The following TNRC6C variants were observed in gnomAD, a reference collection of about 807,000 sequenced individuals.
The protein encoded by TNRC6C is trinucleotide repeat-containing gene 6C protein.
TNRC6C carries 20 observed loss-of-function variants against 153.7 expected under a neutral mutation model. That is an observed-to-expected ratio of 0.13 (90% CI 0.09 to 0.19). The LOEUF (loss-of-function observed/expected upper bound fraction) is 0.19, where lower values mean the gene tolerates loss of function less well. Among genes scored for constraint, TNRC6C ranks in the 10% least tolerant of loss-of-function variants. The probability of loss-of-function intolerance (pLI) is 1.00; values close to 1 mark genes in which losing one functional copy is unlikely to be tolerated. For synonymous variants in TNRC6C, 811 were observed against 841.4 expected (o/e 0.96, Z 0.63); for missense variants, 1,987 against 2,172.0 (o/e 0.91, Z 1.69).
intron 1 of TNRC6C, among the ~76,000 whole-genome samples, chr17:78,009,872 C>T (rs901986118): frequency 3.4e-5 from 5 of 148,616 alleles, no homozygotes; most frequent in Non-Finnish European, 7.4e-5. Context: ...ATTTTTAAGT[C>T]ATATACATCT....
chr17:78,095,811 A>G (rs187295602), intron 16 of TNRC6C, among the ~76,000 whole-genome samples: 16 of 152,372 alleles, frequency 1.1e-4, no homozygotes, highest in South Asian at 2.1e-4. Context: ...TGGGTGGCCA[A>G]CGTGGGAGAA....
At chr17:78,050,466 T>C in exon 3 of TNRC6C, 1 of 1,613,972 alleles carries the variant, frequency 6.2e-7, no homozygotes, top group Non-Finnish European at 8.5e-7. Flanking sequence ...CCCCTAGGTC[T>C]GAAAGGAAAA....
At chr17:77,957,977 G>A (rs1485294629), upstream of TNRC6C, among the ~76,000 whole-genome samples, 3 of 152,186 alleles carry the variant, frequency 2.0e-5, no homozygotes, top group Non-Finnish European at 4.4e-5. Context: ...GGACTGTTTC[G>A]CAGCGAGGCT....
chr17:78,005,081 T>G lies in TNRC6C; in HGVS notation c.-546+2T>G. On this transcript the variant is annotated splice_donor_variant, in intron 1 of 19. Transcript: ENST00000301624. LOFTEE classifies it low-confidence loss of function (5UTR_SPLICE). ...AGGCTGCTGATCAAAAAACCAAAGG[T>G]AAGTTTATTTATATTTAGGGGGGTA... 8.1e-7 allele frequency: 1 copy of G among 1,229,256 alleles called. No homozygotes were observed. Among genetic ancestry groups the G allele is most frequent in the Non-Finnish European group, 1.0e-6 (1 of 986,314 alleles). 76.1% of individuals were successfully genotyped at this position (1,229,256 alleles called of 1,614,324 possible).
intron 5 of TNRC6C, among the ~76,000 whole-genome samples, chr17:78,069,993 A>C (rs1247005483): frequency 6.6e-6 from 1 of 152,180 alleles, no homozygotes; most frequent in Non-Finnish European, 1.5e-5. Context: ...ATGAGATGAA[A>C]ACTTTCTTTA....
chr17:78,049,255 T>C lies in TNRC6C; in HGVS notation c.193T>C (p.Cys65Arg), dbSNP rs200101591. 3.3e-4 allele frequency: 529 copies of C among 1,611,454 alleles called. No homozygotes were observed. The highest frequency in any genetic ancestry group is 3.9e-4 in the Non-Finnish European group (461 of 1,178,476). ...AGGCTCCAGCTCTGGCCTGGCTCACTGCTCTGTCAGTGGTGGGGATGGAAA... is the reference window on the plus strand; with the variant it reads ...AGGCTCCAGCTCTGGCCTGGCTCACCGCTCTGTCAGTGGTGGGGATGGAAA... The change falls in exon 3 of 20, where the codon TGC becomes CGC. Residue 65 changes from cysteine (C) to arginine (R), a missense_variant. Coordinates refer to ENST00000301624, the Ensembl canonical transcript of TNRC6C. This position sits in a 1 kb window ranked among gnomAD's most constrained non-coding sequence, Gnocchi z 4.1.
intron 3 of TNRC6C, 25 bp from the exon 6 acceptor site, chr17:78,064,696 TC>T (rs776212280): frequency 1.9e-6 from 3 of 1,608,654 alleles, no homozygotes; most frequent in Non-Finnish European, 2.5e-6. Context: ...TTCATTATTT[TC>T]TCTACCCCTT....
intron 3 of TNRC6C, among the ~76,000 whole-genome samples, chr17:78,053,783 G>C (rs552320767): frequency 6.6e-6 from 1 of 152,296 alleles, no homozygotes; most frequent in Non-Finnish European, 1.5e-5. Flanking sequence ...TGTAATCCCA[G>C]CTACTTGGGA....
rs756418139 is a variant in TNRC6C, at chr17:78,049,683, C to G, written c.621C>G (p.Asn207Lys). 5.0e-6 allele frequency: 8 copies of G among 1,610,004 alleles called. No homozygotes were observed. The highest frequency in any genetic ancestry group is 6.8e-6 in the Non-Finnish European group (8 of 1,176,856). The change falls in exon 3 of 20, where the codon AAC becomes AAG. Residue 207 changes from asparagine (N) to lysine (K), a missense_variant. Around this residue, in one of 4 missense-constraint regions of TNRC6C, gnomAD observed 1,052 missense variants for 1,017.0 expected, o/e 1.03. Coordinates refer to ENST00000301624, the Ensembl canonical transcript of TNRC6C. This position sits in a 1 kb window ranked among gnomAD's most constrained non-coding sequence, Gnocchi z 4.1. Reference sequence around the variant, plus strand: ...CAATGCAGACAAATGGACTGCCAAACTGGGGCATGGCTGTTGGTATGGGGG... The same window carrying G: ...CAATGCAGACAAATGGACTGCCAAAGTGGGGCATGGCTGTTGGTATGGGGG...
chr17:78,007,338 T>C (rs1331249633), intron 1 of TNRC6C, among the ~76,000 whole-genome samples: 1 of 152,270 alleles, frequency 6.6e-6, no homozygotes, highest in East Asian at 1.9e-4. Context: ...CTAACAGTAC[T>C]GCTAGGTAAT....
At chr17:77,980,146 A>G (rs1429581877) in intron 1 of TNRC6C, among the ~76,000 whole-genome samples, 1 of 152,246 alleles carries the variant, frequency 6.6e-6, no homozygotes, top group Non-Finnish European at 1.5e-5. Context: ...TGGAAAGGAT[A>G]GATAGACGAA....
exon 20 of TNRC6C, chr17:78,108,726 A>G (rs2073758207): frequency 6.5e-6 from 1 of 154,024 alleles, no homozygotes; most frequent in African/African-American, 2.4e-5. Context: ...ATTTCCACCC[A>G]TGGGTGAAAA....
intron 1 of TNRC6C, among the ~76,000 whole-genome samples, chr17:77,969,634 G>A (rs1046814368): frequency 6.6e-6 from 1 of 151,732 alleles, no homozygotes; most frequent in Admixed American, 6.6e-5. Flanking sequence ...GAAAACTAAC[G>A]TTTATGTGTT....
rs1385345729 is a variant in TNRC6C, at chr17:78,079,674, G to T, written c.3357+133G>T. On this transcript the variant is annotated intron_variant, in intron 10 of 19. Transcript: ENST00000301624. This position sits in a 1 kb window ranked among gnomAD's most constrained non-coding sequence, Gnocchi z 4.3. ...TCCATGTTTAAGAGAAGGCCTTCTG[G>T]TTTTTAACCTATAAATTAATTTTAG... is the stretch of plus-strand genomic sequence containing the variant. 2.5e-5 allele frequency: 30 copies of T among 1,182,746 alleles called. No individual in the cohort carries two copies. The allele number at this position is 1,182,746 out of a possible 1,614,324, so 73.3% of individuals were successfully genotyped here. A position where few individuals can be genotyped will look rare whatever the true frequency, so the allele number is the denominator to read the frequency against.
At chr17:78,071,519 C>T (rs908018610) in intron 6 of TNRC6C, among the ~76,000 whole-genome samples, 12 of 151,914 alleles carry the variant, frequency 7.9e-5, no homozygotes, top group Non-Finnish European at 1.2e-4. Context: ...CCGAGTAGAG[C>T]TGGGACTACA....
intron 5 of TNRC6C, among the ~76,000 whole-genome samples, chr17:78,068,722 A>T (rs766180461): frequency 7.9e-5 from 12 of 152,162 alleles, no homozygotes; most frequent in Non-Finnish European, 1.2e-4. Flanking sequence ...TAAACCTGGG[A>T]GGCGGAGGTT....
At chr17:77,996,729 C>G (rs1353214625) in intron 1 of TNRC6C, among the ~76,000 whole-genome samples, 1 of 152,166 alleles carries the variant, frequency 6.6e-6, no homozygotes, top group Non-Finnish European at 1.5e-5. Context: ...GCAGTAACTT[C>G]CAGCCCTCTG....
chr17:78,103,684 T>G (rs760673149), intron 19 of TNRC6C, 131 bp downstream of exon 22: 3 of 1,306,264 alleles, frequency 2.3e-6, no homozygotes, highest in Non-Finnish European at 3.1e-6. Context: ...CTCCCACTTC[T>G]GGAGGCTGGA....
intron 1 of TNRC6C, among the ~76,000 whole-genome samples, chr17:77,988,922 C>T (rs1432898762): frequency 6.6e-6 from 1 of 152,154 alleles, no homozygotes; most frequent in Non-Finnish European, 1.5e-5. Context: ...AATGTAAGCT[C>T]CACGAAAGCA....
Sources: gnomAD v4.1 joint callset for allele counts (sites outside exome capture counted in the v4.1 genomes callset) on GRCh38, gnomAD v4.1.1 for gene constraint, gnomAD v4.1.1 regional missense constraint, Gnocchi (gnomAD v3.1) non-coding constraint, MANE v1.5 for transcripts, NCBI Gene and HGNC (gene_info 2026-07-23, HGNC 2026-07-21) for gene names.